The following XPR1 variants were observed in gnomAD, a reference collection of about 807,000 sequenced individuals.
XPR1 encodes solute carrier family 53 member 1.
XPR1 carries 28 observed loss-of-function variants against 87.5 expected under a neutral mutation model. The observed-to-expected ratio is 0.32, with a 90% CI of 0.24 to 0.44. XPR1 has a LOEUF of 0.44. XPR1 is among the 20% of genes least tolerant of loss of function. The probability of loss-of-function intolerance (pLI) is 1.00; values close to 1 mark genes in which losing one functional copy is unlikely to be tolerated. For synonymous variants in XPR1, 300 were observed against 306.1 expected (o/e 0.98, Z 0.21); for missense variants, 559 against 862.3 (o/e 0.65, Z 4.41).
At chr1:180,767,541 G>A (rs1648335220) in intron 2 of XPR1, among the ~76,000 whole-genome samples, 2 of 151,786 alleles carry the variant, frequency 1.3e-5, no homozygotes, top group Admixed American at 6.6e-5. Flanking sequence ...ATTGTCTAAA[G>A]TAGCAAAAAA....
chr1:180,708,222 T>C (rs1657624559), intron 2 of XPR1, among the ~76,000 whole-genome samples: 1 of 152,244 alleles, frequency 6.6e-6, no homozygotes, highest in Non-Finnish European at 1.5e-5. Flanking sequence ...CAGTGGTTTT[T>C]GCCTACTGTT....
At chr1:180,686,149 C>A (rs1262644322) in intron 2 of XPR1, among the ~76,000 whole-genome samples, 1 of 152,120 alleles carries the variant, frequency 6.6e-6, no homozygotes, top group Non-Finnish European at 1.5e-5. Flanking sequence ...CCTCTACACA[C>A]TGCTTTGAAT....
chr1:180,658,839 G>A (rs1385075937), intron 1 of XPR1, among the ~76,000 whole-genome samples: 1 of 151,968 alleles, frequency 6.6e-6, no homozygotes, highest in Non-Finnish European at 1.5e-5. Flanking sequence ...AAAGTGCTGG[G>A]ATTACAGGAG....
chr1:180,717,940 T>C (rs1465235493), intron 2 of XPR1, among the ~76,000 whole-genome samples: 1 of 152,178 alleles, frequency 6.6e-6, no homozygotes, highest in Non-Finnish European at 1.5e-5. Context: ...AATAGTTACA[T>C]TTAATAGAAT....
At chr1:180,709,346 T>C (rs565762821) in intron 2 of XPR1, among the ~76,000 whole-genome samples, 1 of 152,358 alleles carries the variant, frequency 6.6e-6, no homozygotes, top group East Asian at 1.9e-4. Flanking sequence ...TTTGATAAGT[T>C]ATGACATTTG....
chr1:180,822,805 A>G (rs1225685999), intron 7 of XPR1, among the ~76,000 whole-genome samples: 1 of 152,210 alleles, frequency 6.6e-6, no homozygotes, highest in Non-Finnish European at 1.5e-5. Flanking sequence ...ATAATTTGGC[A>G]TCGCTAGGAT....
intron 2 of XPR1, among the ~76,000 whole-genome samples, chr1:180,780,718 A>C (rs1648902386): frequency 6.7e-6 from 1 of 150,272 alleles, no homozygotes; most frequent in Non-Finnish European, 1.5e-5. Flanking sequence ...CAGTGAGCAG[A>C]GATCGTGCCA....
intron 1 of XPR1, among the ~76,000 whole-genome samples, chr1:180,634,565 A>T (rs1016638131): frequency 6.6e-6 from 1 of 152,198 alleles, no homozygotes; most frequent in Non-Finnish European, 1.5e-5. Flanking sequence ...GGACCTTTTC[A>T]TAATGAATTA....
At chr1:180,681,822 A>G (rs777260708) in intron 1 of XPR1, among the ~76,000 whole-genome samples, 2 of 152,128 alleles carry the variant, frequency 1.3e-5, no homozygotes, top group Non-Finnish European at 2.9e-5. Context: ...ATGCCTGGCT[A>G]TAAAAAATAA....
At chr1:180,838,846 A>G (rs1228542036) in intron 11 of XPR1, among the ~76,000 whole-genome samples, 1 of 152,188 alleles carries the variant, frequency 6.6e-6, no homozygotes, top group East Asian at 1.9e-4. Context: ...TGTAAATTGA[A>G]ATTAAATTAT....
chr1:180,759,296 A>T (rs1000719343), intron 2 of XPR1, among the ~76,000 whole-genome samples: 77 of 152,232 alleles, frequency 5.1e-4, no homozygotes, highest in African/African-American at 1.7e-3. Flanking sequence ...TAGAGACACA[A>T]AAAACCCTTC....
At chr1:180,704,839 T>TTTTTTTTTTTTTTTTTTTTG (rs1657504720) in intron 2 of XPR1, among the ~76,000 whole-genome samples, 2 of 145,490 alleles carry the variant, frequency 1.4e-5, no homozygotes, top group Non-Finnish European at 3.0e-5. Flanking sequence ...TTTTTTTTTT[T>TTTTTTTTTTTTTTTTTTTTG]AAGTAATAAT....
chr1:180,881,184 G>T (rs1405571463), intron 14 of XPR1, among the ~76,000 whole-genome samples: 1 of 150,902 alleles, frequency 6.6e-6, no homozygotes, highest in African/African-American at 2.4e-5. Flanking sequence ...TTTTTTTTGA[G>T]ATGGAGTCTC....
intron 2 of XPR1, among the ~76,000 whole-genome samples, chr1:180,687,645 TACTC>T (rs1214018945): frequency 6.6e-6 from 1 of 152,160 alleles, no homozygotes; most frequent in Non-Finnish European, 1.5e-5. Context: ...TGCTCTCTGT[TACTC>T]AAACAAATAA....
intron 7 of XPR1, among the ~76,000 whole-genome samples, chr1:180,821,922 T>C (rs1258390534): frequency 6.6e-6 from 1 of 152,240 alleles, no homozygotes; most frequent in Non-Finnish European, 1.5e-5. Flanking sequence ...TCTAGTAGTT[T>C]TATTGTGGAT....
chr1:180,770,903 A>T (rs950423879), intron 2 of XPR1, among the ~76,000 whole-genome samples: 3 of 152,114 alleles, frequency 2.0e-5, no homozygotes, highest in African/African-American at 7.2e-5. Context: ...TTCCTGCCTC[A>T]CATCCCTCAG....
At chr1:180,698,399 G>A (rs561198024) in intron 2 of XPR1, among the ~76,000 whole-genome samples, 8 of 152,070 alleles carry the variant, frequency 5.3e-5, no homozygotes, top group Non-Finnish European at 1.0e-4. Context: ...TCTTTTAAGT[G>A]GGGAATTTAA....
At chr1:180,755,320 ATAAGT>A (rs1445460558) in intron 2 of XPR1, among the ~76,000 whole-genome samples, 12 of 152,222 alleles carry the variant, frequency 7.9e-5, no homozygotes, top group East Asian at 1.9e-4. Flanking sequence ...AGTGCAGTTA[ATAAGT>A]TAAGAAGCAG....
chr1:180,828,160 G>A (rs1459835117), intron 9 of XPR1, among the ~76,000 whole-genome samples: 1 of 152,030 alleles, frequency 6.6e-6, no homozygotes, highest in Non-Finnish European at 1.5e-5. Context: ...ACAAGTGTGA[G>A]CCACCACACC....
Sources: gnomAD v4.1 joint callset for allele counts (sites outside exome capture counted in the v4.1 genomes callset) on GRCh38, gnomAD v4.1.1 for gene constraint, MANE v1.5 for transcripts, NCBI Gene and HGNC (gene_info 2026-07-23, HGNC 2026-07-21) for gene names.